The following PTPRO variants were observed in gnomAD, a reference collection of about 807,000 sequenced individuals.
PTPRO encodes the protein protein tyrosine phosphatase receptor type O.
PTPRO carries 62 observed loss-of-function variants against 145.2 expected under a neutral mutation model. That is an observed-to-expected ratio of 0.43 (90% CI 0.35 to 0.53). The LOEUF is 0.53. Ranked by LOEUF, PTPRO falls within the 20% of genes least tolerant of loss-of-function variation. The pLI is 0.01. For missense variants in PTPRO, 1,345 were observed against 1,482.7 expected, an observed-to-expected ratio of 0.91 and a Z score of 1.53; for synonymous variants, 565 against 514.7, an observed-to-expected ratio of 1.10 and a Z score of -1.32.
intron 1 of PTPRO, among the ~76,000 whole-genome samples, chr12:15,342,373 C>T (rs1867025376): frequency 6.6e-6 from 1 of 152,152 alleles, no homozygotes; most frequent in Non-Finnish European, 1.5e-5. Flanking sequence ...TGTTTTATGT[C>T]TATGATCACC....
At chr12:15,411,945 G>T (rs1034433545) in intron 1 of PTPRO, among the ~76,000 whole-genome samples, 2 of 152,166 alleles carry the variant, frequency 1.3e-5, no homozygotes, top group Admixed American at 6.5e-5. Context: ...CACTGAATAA[G>T]AGAAAAGAGA....
intron 1 of PTPRO, among the ~76,000 whole-genome samples, chr12:15,483,741 A>T (rs909503905): frequency 6.6e-6 from 1 of 152,118 alleles, no homozygotes; most frequent in Non-Finnish European, 1.5e-5. Flanking sequence ...GTGGAAAAAA[A>T]TCCTCAAAGT....
At chr12:15,472,711 C>T (rs1941569702) in intron 1 of PTPRO, among the ~76,000 whole-genome samples, 1 of 152,174 alleles carries the variant, frequency 6.6e-6, no homozygotes, top group Non-Finnish European at 1.5e-5. Context: ...TCTTGGAAGT[C>T]TAGATCAAAC....
chr12:15,329,193 C>T (rs1866538252), intron 1 of PTPRO, among the ~76,000 whole-genome samples: 1 of 152,120 alleles, frequency 6.6e-6, no homozygotes, highest in African/African-American at 2.4e-5. Context: ...AATTTCTGAC[C>T]CTGGTTCTCT....
intron 1 of PTPRO, among the ~76,000 whole-genome samples, chr12:15,439,247 C>G (rs2136355293): frequency 6.6e-6 from 1 of 152,188 alleles, no homozygotes; most frequent in East Asian, 1.9e-4. Context: ...ACCACTAGAC[C>G]AGCCTTAAGA....
At chr12:15,340,530 T>A (rs1364882793) in intron 1 of PTPRO, among the ~76,000 whole-genome samples, 1 of 152,232 alleles carries the variant, frequency 6.6e-6, no homozygotes. Context: ...AAAGTCTGTA[T>A]ATCAGTGGAT....
intron 1 of PTPRO, among the ~76,000 whole-genome samples, chr12:15,360,906 A>G (rs561707815): frequency 6.4e-5 from 9 of 140,466 alleles, no homozygotes; most frequent in South Asian, 2.4e-4. Flanking sequence ...ATACACACAC[A>G]TATATACACA....
At chr12:15,494,633 A>C (rs1159038679) in intron 2 of PTPRO, among the ~76,000 whole-genome samples, 1 of 152,230 alleles carries the variant, frequency 6.6e-6, no homozygotes, top group Non-Finnish European at 1.5e-5. Context: ...AAAACATACA[A>C]GCAAGCATTT....
chr12:15,437,974 G>T (rs922214960), intron 1 of PTPRO, among the ~76,000 whole-genome samples: 1 of 152,158 alleles, frequency 6.6e-6, no homozygotes, highest in Non-Finnish European at 1.5e-5. Context: ...GGGCAACAGA[G>T]AACTTCCACT....
At chr12:15,504,834 A>G (rs748372981) in intron 6 of PTPRO, among the ~76,000 whole-genome samples, 14 of 152,354 alleles carry the variant, frequency 9.2e-5, no homozygotes, top group South Asian at 6.2e-4. Flanking sequence ...GGAAAGGCAA[A>G]TACCACCTTT....
chr12:15,434,910 G>A (rs552312660), intron 1 of PTPRO, among the ~76,000 whole-genome samples: 1 of 152,304 alleles, frequency 6.6e-6, no homozygotes, highest in Non-Finnish European at 1.5e-5. Context: ...TTGGTTGCAA[G>A]AATCACAGAT....
At chr12:15,472,182 T>G (rs1941557613) in intron 1 of PTPRO, among the ~76,000 whole-genome samples, 1 of 152,218 alleles carries the variant, frequency 6.6e-6, no homozygotes, top group African/African-American at 2.4e-5. Context: ...GACCATGCTC[T>G]GGATGTACGT....
At chr12:15,579,037 C>A in intron 20 of PTPRO, 94 bp downstream of exon 20, 1 of 1,113,990 alleles carries the variant, frequency 9.0e-7, no homozygotes, top group Non-Finnish European at 1.4e-6. Flanking sequence ...CTGGCCATAC[C>A]CACTTGTGGT....
intron 1 of PTPRO, among the ~76,000 whole-genome samples, chr12:15,447,126 G>A (rs1022075119): frequency 6.6e-6 from 1 of 152,096 alleles, no homozygotes; most frequent in Non-Finnish European, 1.5e-5. Context: ...AGGTTTTAGA[G>A]AACCAGCCCT....
chr12:15,338,248 A>G (rs1011361482), intron 1 of PTPRO, among the ~76,000 whole-genome samples: 1 of 152,086 alleles, frequency 6.6e-6, no homozygotes, highest in Admixed American at 6.5e-5. Flanking sequence ...GTTTTTAAAA[A>G]CTTTATTAGG....
chr12:15,425,725 A>T (rs1940267067), intron 1 of PTPRO, among the ~76,000 whole-genome samples: 1 of 57,270 alleles, frequency 1.7e-5, no homozygotes, highest in Non-Finnish European at 3.8e-5. Context: ...AATTATTGCA[A>T]AATAGATTCA....
chr12:15,516,345 A>G (rs1942585600), intron 8 of PTPRO, among the ~76,000 whole-genome samples: 2 of 150,284 alleles, frequency 1.3e-5, no homozygotes, highest in South Asian at 2.1e-4. Context: ...TCAAAAAAAA[A>G]AAAAGAAAAG....
chr12:15,409,419 A>G (rs1939733232), intron 1 of PTPRO, among the ~76,000 whole-genome samples: 1 of 152,188 alleles, frequency 6.6e-6, no homozygotes, highest in Non-Finnish European at 1.5e-5. Flanking sequence ...TCAATGCAAC[A>G]TCAATTCTTC....
chr12:15,530,349 G>C (rs1265183395), intron 12 of PTPRO, among the ~76,000 whole-genome samples: 1 of 152,086 alleles, frequency 6.6e-6, no homozygotes, highest in Non-Finnish European at 1.5e-5. Flanking sequence ...AGAAACAACA[G>C]AGTTAAACTA....
Sources: allele counts gnomAD v4.1 joint callset (sites outside exome capture counted in the v4.1 genomes callset), GRCh38; gene constraint gnomAD v4.1.1; transcripts MANE v1.5; gene names NCBI Gene and HGNC (gene_info 2026-07-23, HGNC 2026-07-21).